The following TFPI variants were observed in gnomAD, a reference collection of about 807,000 sequenced individuals.
The protein encoded by TFPI is tissue factor pathway inhibitor.
TFPI carries 15 observed loss-of-function variants against 34.6 expected under a neutral mutation model. The ratio of observed to expected loss-of-function variants is 0.43; its 90% CI spans 0.29 to 0.67. The LOEUF (loss-of-function observed/expected upper bound fraction) is 0.67, where lower values mean the gene tolerates loss of function less well. TFPI is among the 30% of genes least tolerant of loss of function. The pLI is 0.15. For missense variants in TFPI, 301 were observed against 364.0 expected, an observed-to-expected ratio of 0.83 and a Z score of 1.41; for synonymous variants, 105 against 120.1, an observed-to-expected ratio of 0.87 and a Z score of 0.82.
intron 4 of TFPI, among the ~76,000 whole-genome samples, chr2:187,487,998 G>A (rs960870841): frequency 6.6e-6 from 1 of 151,280 alleles, no homozygotes; most frequent in Non-Finnish European, 1.5e-5. Context: ...TCTGGACTAT[G>A]ATTGAACTAA....
Position 187,466,137 on chromosome 2 carries a change from T to C in TFPI, c.*799A>G, listed in dbSNP as rs1414112541. On this transcript the variant is annotated 3_prime_UTR_variant, in exon 8 of 8. Transcript: ENST00000233156. ...TTTTGTTATTTTTAGTAAGAAAAAA[T>C]ATTGGGAAGCATAGTATTAAGAAGT... The C allele has an allele frequency of 4.6e-5, 7 of 152,142 alleles. No homozygotes were observed. Among genetic ancestry groups the C allele is most frequent in the Non-Finnish European group, 1.5e-5 (1 of 68,016 alleles). 9.4% of individuals were successfully genotyped at this position (152,142 alleles called of 1,614,324 possible).
intron 1 of TFPI, among the ~76,000 whole-genome samples, chr2:187,527,708 A>G (rs923540019): frequency 6.6e-6 from 1 of 152,352 alleles, no homozygotes; most frequent in East Asian, 1.9e-4. Context: ...ATTTAAAGCA[A>G]TAATATTAGA....
chr2:187,530,616 T>C (rs1320814121), intron 1 of TFPI, among the ~76,000 whole-genome samples: 3 of 152,182 alleles, frequency 2.0e-5, no homozygotes, highest in Non-Finnish European at 2.9e-5. Context: ...TAAAATAACT[T>C]GATGGTTACG....
chr2:187,526,425 A>T (rs1687680574), intron 1 of TFPI, among the ~76,000 whole-genome samples: 1 of 152,160 alleles, frequency 6.6e-6, no homozygotes, highest in Admixed American at 6.6e-5. Context: ...CCTCGAAAGG[A>T]ATAGCAACAG....
At chr2:187,535,625 G>A (rs1294612313) in intron 1 of TFPI, among the ~76,000 whole-genome samples, 1 of 152,168 alleles carries the variant, frequency 6.6e-6, no homozygotes, top group Non-Finnish European at 1.5e-5. Context: ...GCCGACAGGA[G>A]AAAGTGGGAA....
rs958458487 is a variant in TFPI, at chr2:187,507,402, G to A, written c.-2-3632C>T. 1.9e-4 allele frequency among the ~76,000 whole-genome samples: 29 copies of A among 151,640 alleles called. 1 individual carries two copies. The highest frequency in any genetic ancestry group is 6.3e-4 in the African/African-American group (26 of 41,344). ...GTCTTTATGTAGAATGATTTATACTGGGTCAAACGGTATTTCTGGTTCTAG... is the reference window on the plus strand; with the variant it reads ...GTCTTTATGTAGAATGATTTATACTAGGTCAAACGGTATTTCTGGTTCTAG... On this transcript the variant is annotated intron_variant, in intron 1 of 7. Coordinates refer to ENST00000233156, the MANE Select transcript of TFPI (RefSeq NM_006287.6).
At chr2:187,490,739 T>A (rs1685066876) in intron 3 of TFPI, among the ~76,000 whole-genome samples, 1 of 150,940 alleles carries the variant, frequency 6.6e-6, no homozygotes, top group Non-Finnish European at 1.5e-5. Context: ...ATCATTAAAG[T>A]TGAGTATAAA....
chr2:187,481,331 A>G (rs1692838572), intron 6 of TFPI, among the ~76,000 whole-genome samples: 1 of 152,110 alleles, frequency 6.6e-6, no homozygotes, highest in South Asian at 2.1e-4. Flanking sequence ...CTTAAACTAC[A>G]ATAGAATGTA....
intron 4 of TFPI, among the ~76,000 whole-genome samples, chr2:187,485,710 A>T (rs1041114185): frequency 1.3e-5 from 2 of 151,700 alleles, no homozygotes. Context: ...CAGCTGTCAT[A>T]AAAGTTGTGC....
chr2:187,478,312 A>T (rs1483702571), intron 6 of TFPI, among the ~76,000 whole-genome samples: 1 of 152,218 alleles, frequency 6.6e-6, no homozygotes, highest in Admixed American at 6.5e-5. Context: ...GTGAGCCGAG[A>T]TCGCGCCATT....
At chr2:187,517,814 T>C (rs1350388373) in intron 1 of TFPI, 1 of 152,226 alleles carries the variant, frequency 6.6e-6, no homozygotes, top group Admixed American at 6.5e-5. Flanking sequence ...GATTTATGAA[T>C]CTGGGTGCTC....
chr2:187,522,747 C>G (rs60999023), intron 1 of TFPI, among the ~76,000 whole-genome samples: 20,566 of 145,946 alleles, frequency 0.14, 2,189 homozygotes, highest in East Asian at 0.34. Context: ...AAAAAAAACC[C>G]AGGCACGGTG....
At chr2:187,486,885 C>T (rs1052608834) in intron 4 of TFPI, among the ~76,000 whole-genome samples, 1 of 151,540 alleles carries the variant, frequency 6.6e-6, no homozygotes, top group Non-Finnish European at 1.5e-5. Context: ...TGTATTAAAT[C>T]TCAAATCTCT....
chr2:187,496,264 A>AT (rs1404067180), intron 3 of TFPI, among the ~76,000 whole-genome samples: 2 of 152,090 alleles, frequency 1.3e-5, no homozygotes, highest in Admixed American at 1.3e-4. Flanking sequence ...TAGTTCTACT[A>AT]TTTTATGCAG....
intron 1 of TFPI, among the ~76,000 whole-genome samples, chr2:187,543,012 A>ACAAAATC (rs1688665342): frequency 6.6e-6 from 1 of 152,192 alleles, no homozygotes; most frequent in South Asian, 2.1e-4. Flanking sequence ...TGTTAACTGG[A>ACAAAATC]CAGAGATAAA....
At chr2:187,512,783 C>G (rs568826459) in intron 1 of TFPI, among the ~76,000 whole-genome samples, 24 of 151,184 alleles carry the variant, frequency 1.6e-4, no homozygotes, top group East Asian at 1.5e-3. Context: ...TTGGGGGGGG[C>G]CGCGAAATTT....
chr2:187,503,496 CACACAT>C (rs1353023025), intron 2 of TFPI, 146 bp downstream of exon 2: 155 of 849,420 alleles, frequency 1.8e-4, no homozygotes, highest in Non-Finnish European at 8.9e-5. Context: ...CACACACACA[CACACAT>C]ACATTAGGTA....
intron 4 of TFPI, among the ~76,000 whole-genome samples, chr2:187,487,334 A>C (rs1693347746): frequency 8.6e-6 from 1 of 115,996 alleles, no homozygotes; most frequent in Admixed American, 8.0e-5. Context: ...TAAAATTGTA[A>C]GTACATTTAG....
intron 1 of TFPI, among the ~76,000 whole-genome samples, chr2:187,525,444 T>TCC (rs1687627435): frequency 2.0e-5 from 3 of 152,054 alleles, no homozygotes; most frequent in East Asian, 3.9e-4. Flanking sequence ...CTTCCTTTTT[T>TCC]TCTCCTTCCT....
Sources: allele counts gnomAD v4.1 joint callset (sites outside exome capture counted in the v4.1 genomes callset), GRCh38; gene constraint gnomAD v4.1.1; transcripts MANE v1.5; gene names NCBI Gene and HGNC (gene_info 2026-07-23, HGNC 2026-07-21).